Variants in FHIT observed in about 807,000 individuals in gnomAD.
The protein encoded by FHIT is fragile histidine triad diadenosine triphosphatase, also known as bis(5'-adenosyl)-triphosphatase.
In FHIT, 19 loss-of-function variants were observed where a neutral mutation model predicts 17.9. The observed-to-expected ratio is 1.06, with a 90% confidence interval of 0.74 to 1.56. The LOEUF (loss-of-function observed/expected upper bound fraction) is 1.56. Ranked by LOEUF, FHIT falls within the 40% of genes most tolerant of loss-of-function variation. The pLI is 0.00. For missense variants in FHIT, 248 were observed against 189.2 expected (o/e 1.31, Z -1.82); for synonymous variants, 81 against 69.7 (o/e 1.16, Z -0.81).
At chr3:60,527,833 G>A (rs2035630385) in intron 5 of FHIT, among the ~76,000 whole-genome samples, 1 of 152,198 alleles carries the variant, frequency 6.6e-6, no homozygotes, top group South Asian at 2.1e-4. Context: ...TGCAGCACAT[G>A]TGAAATGTAA....
intron 7 of FHIT, among the ~76,000 whole-genome samples, chr3:60,005,528 C>T (rs188564128): frequency 6.6e-4 from 101 of 152,242 alleles, no homozygotes; most frequent in African/African-American, 2.3e-3. Context: ...TTCTCTAAGG[C>T]GTCCACTCCC....
intron 7 of FHIT, among the ~76,000 whole-genome samples, chr3:59,966,273 T>G (rs1411369626): frequency 6.6e-6 from 1 of 152,164 alleles, no homozygotes; most frequent in Non-Finnish European, 1.5e-5. Context: ...TGGCTTGGAC[T>G]GGATTTTACC....
chr3:60,207,491 C>A (rs1377269546), intron 5 of FHIT, among the ~76,000 whole-genome samples: 3 of 151,910 alleles, frequency 2.0e-5, no homozygotes, highest in Non-Finnish European at 4.4e-5. Context: ...CTGAATTATA[C>A]TGAGTTTCTG....
intron 1 of FHIT, among the ~76,000 whole-genome samples, chr3:61,205,487 T>C (rs2039194221): frequency 6.6e-6 from 1 of 152,172 alleles, no homozygotes; most frequent in Non-Finnish European, 1.5e-5. Context: ...GCACCTGTTG[T>C]TTCCTGACAT....
At chr3:60,180,923 A>C (rs1305186830) in intron 5 of FHIT, among the ~76,000 whole-genome samples, 1 of 152,076 alleles carries the variant, frequency 6.6e-6, no homozygotes, top group East Asian at 1.9e-4. Context: ...AAACAAACTA[A>C]GTAAGCATTT....
At chr3:61,108,036 A>C (rs184312828) in intron 2 of FHIT, among the ~76,000 whole-genome samples, 24 of 152,358 alleles carry the variant, frequency 1.6e-4, no homozygotes, top group Non-Finnish European at 2.9e-4. Context: ...AGCTTAGGCT[A>C]AACTTGATCT....
At chr3:60,233,533 C>A (rs1704610286) in intron 5 of FHIT, among the ~76,000 whole-genome samples, 2 of 152,170 alleles carry the variant, frequency 1.3e-5, no homozygotes, top group Non-Finnish European at 2.9e-5. Context: ...CGCTCTCCTC[C>A]TGCCCACCCC....
At chr3:60,396,376 A>G (rs1317547468) in intron 5 of FHIT, among the ~76,000 whole-genome samples, 1 of 152,176 alleles carries the variant, frequency 6.6e-6, no homozygotes, top group Non-Finnish European at 1.5e-5. Flanking sequence ...TAAGTTTATG[A>G]GCGAGTGACA....
chr3:59,872,764 C>T (rs1201201138), intron 8 of FHIT, among the ~76,000 whole-genome samples: 1 of 152,170 alleles, frequency 6.6e-6, no homozygotes, highest in East Asian at 1.9e-4. Flanking sequence ...GCTGTGTAGC[C>T]TGAGCTTAGA....
At position 59,791,634 on chromosome 3, in the gene FHIT, T is replaced by G. The variant is rs1198321916; in HGVS notation, c.349-39313A>C. On this transcript the variant is annotated intron_variant, in intron 8 of 9. Transcript: ENST00000492590. ...TCTCTATGTTGCAGTCTATTGAGCA[T>G]GTACTCCATGAAATGTGGGTGATTC... 2.0e-5 allele frequency among the ~76,000 whole-genome samples: 3 copies of G among 152,226 alleles called. No homozygotes were observed. In the East Asian group the frequency reaches 5.8e-4, roughly 29 times the overall value.
intron 5 of FHIT, among the ~76,000 whole-genome samples, chr3:60,056,248 T>C (rs1280695466): frequency 6.6e-6 from 1 of 152,218 alleles, no homozygotes; most frequent in Non-Finnish European, 1.5e-5. Flanking sequence ...ATGGATTCTG[T>C]AGAAGATTTC....
chr3:60,399,706 C>G (rs2107185142), intron 5 of FHIT, among the ~76,000 whole-genome samples: 1 of 152,158 alleles, frequency 6.6e-6, no homozygotes, highest in African/African-American at 2.4e-5. Context: ...CTATAATAAA[C>G]AAAAATACAA....
intron 5 of FHIT, among the ~76,000 whole-genome samples, chr3:60,454,446 A>G (rs1200581138): frequency 6.6e-6 from 1 of 150,528 alleles, no homozygotes; most frequent in African/African-American, 2.5e-5. Context: ...GTGCACTCGC[A>G]TGATCTCGGC....
At chr3:60,050,795 C>T (rs1701840381) in intron 5 of FHIT, among the ~76,000 whole-genome samples, 1 of 152,158 alleles carries the variant, frequency 6.6e-6, no homozygotes, top group African/African-American at 2.4e-5. Flanking sequence ...TTTTTCATGG[C>T]ACCTGAGAGC....
rs79579483 is a variant in FHIT, at chr3:59,950,754, C to T, written c.280-28340G>A. Among the ~76,000 whole-genome samples, 158 of 152,182 alleles carry T rather than the reference C, an allele frequency of 1.0e-3. 1 individual carries two copies. Among genetic ancestry groups the T allele is most frequent in the African/African-American group, 3.8e-3 (156 of 41,538 alleles). On this transcript the variant is annotated intron_variant, in intron 7 of 9. Coordinates refer to ENST00000492590, the MANE Select transcript of FHIT (RefSeq NM_002012.4). The stretch of plus-strand genomic sequence containing the variant: ...TGGGACAAAGCTCCCAGGCAACAGG[C>T]AAAAATGTTCCTTTTATTCTACACA...
intron 4 of FHIT, among the ~76,000 whole-genome samples, chr3:60,734,078 T>C (rs2042086675): frequency 1.3e-5 from 2 of 152,146 alleles, no homozygotes; most frequent in Non-Finnish European, 1.5e-5. Flanking sequence ...CTACAAACTT[T>C]CAGCATTGGG....
intron 5 of FHIT, among the ~76,000 whole-genome samples, chr3:60,440,688 A>C (rs2107326728): frequency 6.6e-6 from 1 of 152,164 alleles, no homozygotes; most frequent in South Asian, 2.1e-4. Flanking sequence ...CAAACAGATA[A>C]AATTTATATA....
chr3:59,994,080 G>A (rs1425357899), intron 7 of FHIT, among the ~76,000 whole-genome samples: 1 of 152,040 alleles, frequency 6.6e-6, no homozygotes, highest in Non-Finnish European at 1.5e-5. Context: ...GCTCAGAGAT[G>A]TTAAATAACT....
intron 4 of FHIT, among the ~76,000 whole-genome samples, chr3:60,739,006 G>A (rs370327710): frequency 1.4e-4 from 22 of 152,314 alleles, no homozygotes; most frequent in African/African-American, 4.8e-4. Context: ...GAGAAAGAGA[G>A]AGGAGAAGGA....
Sources: gnomAD v4.1 joint callset for allele counts (sites outside exome capture counted in the v4.1 genomes callset) on GRCh38, gnomAD v4.1.1 for gene constraint, MANE v1.5 for transcripts, NCBI Gene and HGNC (gene_info 2026-07-23, HGNC 2026-07-21) for gene names.